ZNF407: variants seen among roughly 807,000 people sequenced by gnomAD.
ZNF407 encodes zinc finger protein 407.
ZNF407 carries 17 observed loss-of-function variants against 131.2 expected under a neutral mutation model. The ratio of observed to expected loss-of-function variants is 0.13; its 90% CI spans 0.09 to 0.19. ZNF407 has a LOEUF of 0.19. Among genes scored for constraint, ZNF407 ranks in the 10% least tolerant of loss-of-function variants. ZNF407 has a pLI of 1.00. For missense variants in ZNF407, 2,681 were observed against 2,830.6 expected, an observed-to-expected ratio of 0.95 and a Z score of 1.20; for synonymous variants, 1,156 against 1,062.0, an observed-to-expected ratio of 1.09 and a Z score of -1.72.
intron 8 of ZNF407, among the ~76,000 whole-genome samples, chr18:74,969,627 A>T (rs1222264605): frequency 1.3e-5 from 2 of 152,148 alleles, no homozygotes; most frequent in East Asian, 1.9e-4. Context: ...GATGTAGTGG[A>T]GTCCCTGGCC....
At chr18:75,038,065 C>T (rs532457315) in intron 8 of ZNF407, among the ~76,000 whole-genome samples, 57 of 152,324 alleles carry the variant, frequency 3.7e-4, no homozygotes, top group African/African-American at 1.3e-3. Flanking sequence ...CAAATCTTAA[C>T]AGAAAATCCA....
intron 4 of ZNF407, chr18:74,804,332 G>T (rs1353055131): frequency 1.8e-6 from 2 of 1,091,954 alleles, no homozygotes; most frequent in African/African-American, 3.3e-5. Flanking sequence ...ATGATTCAGG[G>T]TTTATTTAAA....
intron 5 of ZNF407, among the ~76,000 whole-genome samples, chr18:74,879,454 T>C (rs1265135879): frequency 6.6e-6 from 1 of 152,108 alleles, no homozygotes; most frequent in Admixed American, 6.5e-5. Context: ...TGCCTCAACA[T>C]AGAAAACTGT....
intron 8 of ZNF407, among the ~76,000 whole-genome samples, chr18:75,004,605 A>G (rs569642096): frequency 2.0e-4 from 30 of 152,338 alleles, no homozygotes; most frequent in African/African-American, 7.0e-4. Flanking sequence ...CGATTCATTC[A>G]ATCAGACCCA....
intron 1 of ZNF407, among the ~76,000 whole-genome samples, chr18:74,622,167 A>C (rs752553183): frequency 6.6e-6 from 1 of 152,182 alleles, no homozygotes; most frequent in South Asian, 2.1e-4. Context: ...GAGAGGGTGG[A>C]GTGCAGCGCC....
rs77008305 is a variant in ZNF407 at position 75,051,339 on chromosome 18, C to T, written c.5429-11811C>T. 4.4e-3 allele frequency among the ~76,000 whole-genome samples: 667 copies of T among 152,174 alleles called. 10 individuals carry two copies. Among genetic ancestry groups the T allele is most frequent in the African/African-American group, 0.015 (642 of 41,512 alleles). On this transcript the variant is annotated intron_variant, in intron 8 of 8. Transcript: ENST00000299687. The stretch of plus-strand genomic sequence containing the variant: ...TAAATGTGACAAACTACAAAAGCAC[C>T]CGAGTGCATTCTTCCTGTGCTCACT...
intron 8 of ZNF407, among the ~76,000 whole-genome samples, chr18:75,030,161 AAGT>A (rs1423407800): frequency 1.3e-5 from 2 of 152,184 alleles, no homozygotes; most frequent in African/African-American, 2.4e-5. Context: ...TGATCATACC[AAGT>A]TTATTCATCT....
Position 74,752,385 on chromosome 18 carries a change from C to T in ZNF407, c.4803-29043C>T, listed in dbSNP as rs567824285. Among the ~76,000 whole-genome samples the T allele has an allele frequency of 1.4e-4, 22 of 152,230 alleles. No homozygotes were observed. The South Asian group carries it at 4.6e-3, about 32-fold the overall frequency. On this transcript the variant is annotated intron_variant, in intron 3 of 8. Coordinates refer to ENST00000299687, the MANE Select transcript of ZNF407 (RefSeq NM_017757.3). ...CAGAAGCTCTTTAGTTTAATTAGATCCCATTTGTCAATTTTGGCTTTTGTT... is the reference window on the plus strand; with the variant it reads ...CAGAAGCTCTTTAGTTTAATTAGATTCCATTTGTCAATTTTGGCTTTTGTT...
chr18:74,915,604 A>T (rs1254986244), intron 7 of ZNF407, among the ~76,000 whole-genome samples: 1 of 117,412 alleles, frequency 8.5e-6, no homozygotes, highest in African/African-American at 3.5e-5. Context: ...GGTTGTGTGC[A>T]GCATTGGTTC....
At position 74,632,850 on chromosome 18, in the gene ZNF407, C is replaced by T. The variant is rs1984198157; in HGVS notation, c.1831C>T (p.His611Tyr). Reference sequence around the variant, plus strand: ...TCTTAGAGACCACATGAAGGAAAAGCACAATATGCATTTTCTTTGCACCCC... The same window carrying T: ...TCTTAGAGACCACATGAAGGAAAAGTACAATATGCATTTTCTTTGCACCCC... ...INLRDHMKEK[H>Y]NMHFLCTPCN... is the part of the protein sequence containing the mutation. The change falls in exon 2 of 9, where the codon CAC (histidine) becomes TAC (tyrosine). Residue 611 changes from histidine to tyrosine, a missense_variant. Coordinates refer to ENST00000299687, the MANE Select transcript of ZNF407 (RefSeq NM_017757.3). 1 of 1,613,586 alleles carries T rather than the reference C, an allele frequency of 6.2e-7. No individual in the cohort carries two copies. Among genetic ancestry groups the T allele is most frequent in the Non-Finnish European group, 8.5e-7 (1 of 1,179,872 alleles).
chr18:74,925,954 G>C lies in ZNF407; in HGVS notation c.5428+5262G>C, dbSNP rs532270329. Among the ~76,000 whole-genome samples the C allele has an allele frequency of 3.9e-5, 6 of 152,174 alleles. No individual in the cohort carries two copies. The East Asian group carries it at 9.7e-4, about 24-fold the overall frequency. On this transcript the variant is annotated intron_variant, in intron 8 of 8. Transcript: ENST00000299687. Reference sequence around the variant, plus strand: ...TAATTTTCAGCCTCTCCTCTCTTTCGTGTTAACCTTCAGACTAGATTCCTT... The same window carrying C: ...TAATTTTCAGCCTCTCCTCTCTTTCCTGTTAACCTTCAGACTAGATTCCTT...
chr18:74,690,271 C>A (rs931213785), intron 3 of ZNF407, among the ~76,000 whole-genome samples: 12 of 152,112 alleles, frequency 7.9e-5, no homozygotes, highest in Admixed American at 4.6e-4. Context: ...AATTCCTTTA[C>A]AAGGAAACAT....
intron 4 of ZNF407, among the ~76,000 whole-genome samples, chr18:74,799,178 A>G (rs1007596141): frequency 3.9e-5 from 6 of 152,184 alleles, no homozygotes; most frequent in African/African-American, 1.4e-4. Flanking sequence ...TTACTTAGCA[A>G]TTAAACCTTC....
At chr18:74,880,943 G>C (rs1971228719) in intron 5 of ZNF407, 93 bp from the exon 6 acceptor site, 2 of 1,040,466 alleles carry the variant, frequency 1.9e-6, no homozygotes, top group Non-Finnish European at 1.4e-6. Flanking sequence ...GGAAACATTT[G>C]ATTGGAGGAA....
At chr18:74,746,121 T>G (rs4891090) in intron 3 of ZNF407, among the ~76,000 whole-genome samples, 144,855 of 152,246 alleles carry the variant, frequency 0.95, 69,317 homozygotes, top group East Asian at 1. Flanking sequence ...CTGTCCAGCA[T>G]GCGACTGTAC....
chr18:74,895,567 G>T (rs1166065717), intron 7 of ZNF407, among the ~76,000 whole-genome samples: 1 of 152,056 alleles, frequency 6.6e-6, no homozygotes, highest in Non-Finnish European at 1.5e-5. Flanking sequence ...AAAAAAAATT[G>T]TATTTATAAT....
intron 8 of ZNF407, among the ~76,000 whole-genome samples, chr18:75,060,794 C>A (rs1003881830): frequency 6.6e-6 from 1 of 152,178 alleles, no homozygotes; most frequent in East Asian, 1.9e-4. Flanking sequence ...CGTCGGCCAC[C>A]GCGCCCGGCC....
At chr18:75,010,910 T>C (rs1972966826) in intron 8 of ZNF407, among the ~76,000 whole-genome samples, 1 of 152,164 alleles carries the variant, frequency 6.6e-6, no homozygotes, top group African/African-American at 2.4e-5. Flanking sequence ...AAATAATGGC[T>C]CCTTGTCAAG....
intron 8 of ZNF407, among the ~76,000 whole-genome samples, chr18:75,025,245 T>C (rs1465585907): frequency 6.6e-6 from 1 of 152,222 alleles, no homozygotes; most frequent in African/African-American, 2.4e-5. Flanking sequence ...AACTGATATC[T>C]TTGGATTCGA....
Sources: allele counts gnomAD v4.1 joint callset (sites outside exome capture counted in the v4.1 genomes callset), GRCh38; gene constraint gnomAD v4.1.1; transcripts MANE v1.5; gene names NCBI Gene and HGNC (gene_info 2026-07-23, HGNC 2026-07-21).